Variants in TUBB4B observed in about 807,000 individuals in gnomAD.
TUBB4B encodes tubulin beta 4B class IVb, also known as tubulin beta-4B chain.
A neutral mutation model predicts 34.3 loss-of-function variants in TUBB4B; 7 were observed. The observed-to-expected ratio is 0.20, with a 90% CI of 0.12 to 0.38. The LOEUF (loss-of-function observed/expected upper bound fraction) is 0.38, where lower values mean the gene tolerates loss of function less well. TUBB4B is among the 10% of genes least tolerant of loss of function. The pLI is 1.00. For missense variants in TUBB4B, 178 were observed against 610.9 expected (o/e 0.29, Z 7.47); for synonymous variants, 390 against 250.2 (o/e 1.56, Z -5.27).
At position 137,242,419 on chromosome 9, in the gene TUBB4B, C is replaced by G. The variant is rs1186207937; in HGVS notation, c.278-77C>G. On this transcript the variant is annotated intron_variant, in intron 3 of 3. Coordinates refer to ENST00000340384, the MANE Select transcript of TUBB4B (RefSeq NM_006088.6). ...TCTGTGGTCAGCTCACACCATGTCA[C>G]TCGGCTTTTTTCGCATGGCGGTGAC... is the stretch of plus-strand genomic sequence containing the variant. 4.6e-6 allele frequency: 7 copies of G among 1,534,480 alleles called. No individual in the cohort carries two copies. The Admixed American group carries it at 1.3e-4, about 28-fold the overall frequency.
Position 137,243,163 on chromosome 9 carries a change from C to G in TUBB4B, c.945C>G (p.Ala315=), listed in dbSNP as rs781115984. 1 of 1,613,074 alleles carries G rather than the reference C, an allele frequency of 6.2e-7. No homozygotes were observed. Among genetic ancestry groups the G allele is most frequent in the Non-Finnish European group, 8.5e-7 (1 of 1,179,978 alleles). Residue 315 remains alanine, a synonymous_variant, in exon 4 of 4, where the codon GCC becomes GCG. Transcript: ENST00000340384. ...PRHGRYLTVA[A]VFRGRMSMKE... is the part of the protein sequence containing the mutation. ...ATGGCCGCTACCTGACGGTTGCCGC[C>G]GTGTTCAGGGGCCGCATGTCCATGA...
rs150542130 is a variant in TUBB4B, at chr9:137,242,562, C to T, written c.344C>T (p.Ser115Leu). 5.0e-6 allele frequency: 8 copies of T among 1,613,916 alleles called. No individual in the cohort carries two copies. Among genetic ancestry groups the T allele is most frequent in the East Asian group, 2.2e-5 (1 of 44,882 alleles). ...HYTEGAELVDSVLDVVRKEAE... is the reference protein window; with the variant it reads ...HYTEGAELVDLVLDVVRKEAE... ...ACAGAAGGCGCGGAGCTGGTGGACT[C>T]GGTGCTGGATGTTGTGAGAAAGGAG... The change falls in exon 4 of 4, where the codon TCG becomes TTG. Residue 115 changes from serine (S) to leucine (L), a missense_variant. By Grantham distance (145) the Ser-to-Leu change is moderately radical. Transcript: ENST00000340384.
chr9:137,242,350 C>CT, intron 3 of TUBB4B, 146 bp from the exon 4 acceptor site: 1 of 998,482 alleles, frequency 1.0e-6, no homozygotes, highest in Non-Finnish European at 1.5e-6. Context: ...AGGCTGCCGT[C>CT]TTTTGGCTTT....
rs762084938 is a variant in TUBB4B at position 137,241,837 on chromosome 9, C to T, written c.166+8C>T. 26 of 1,612,190 alleles carry T rather than the reference C, an allele frequency of 1.6e-5. No homozygotes were observed. The Admixed American group carries it at 3.2e-4, about 20-fold the overall frequency. On this transcript the variant is annotated splice_region_variant and intron_variant, in intron 2 of 3. Transcript: ENST00000340384. ...ACTACAATGAGGCCACCGGTGAGGC[C>T]CCGGCCCCTTCCCCGACCGCCCTCC...
intron 2 of TUBB4B, 22 bp downstream of exon 2, chr9:137,241,851 C>G (rs1199561081): frequency 6.2e-7 from 1 of 1,612,062 alleles, no homozygotes; most frequent in Non-Finnish European, 8.5e-7. Context: ...GCCCCTTCCC[C>G]GACCGCCCTC....
At chr9:137,242,426 T>C in intron 3 of TUBB4B, 70 bp from the exon 4 acceptor site, 3 of 1,556,242 alleles carry the variant, frequency 1.9e-6, no homozygotes, top group Non-Finnish European at 2.6e-6. Flanking sequence ...TCACTCGGCT[T>C]TTTTCGCATG....
rs147118736 is a variant in TUBB4B, at chr9:137,243,262, T to C, written c.1044T>C (p.Asn348=). Residue 348 remains asparagine (N), a synonymous_variant, in exon 4 of 4, where the codon AAT becomes AAC. Coordinates refer to ENST00000340384, the MANE Select transcript of TUBB4B (RefSeq NM_006088.6). ...ATTTTGTTGAGTGGATCCCCAACAA[T>C]GTGAAAACGGCTGTCTGTGACATCC... is the stretch of plus-strand genomic sequence containing the variant. The part of the protein sequence containing the change: ...SSYFVEWIPN[N]VKTAVCDIPP... 1.5e-4 allele frequency: 241 copies of C among 1,613,482 alleles called. No homozygotes were observed. The African/African-American group carries it at 2.0e-3, about 13-fold the overall frequency.
intron 1 of TUBB4B, 54 bp from the exon 2 acceptor site, chr9:137,241,667 C>T (rs1325901231): frequency 1.4e-6 from 2 of 1,461,112 alleles, no homozygotes; most frequent in African/African-American, 1.5e-5. Context: ...TCCCTGCGCA[C>T]CGGCCGCGGT....
chr9:137,242,929 C>T lies in TUBB4B; in HGVS notation c.711C>T (p.Thr237=), dbSNP rs747615413. 7 of 1,613,206 alleles carry T rather than the reference C, an allele frequency of 4.3e-6. No individual in the cohort carries two copies. Among genetic ancestry groups the T allele is most frequent in the South Asian group, 3.3e-5 (3 of 91,090 alleles). ...HLVSATMSGV[T]TCLRFPGQLN... ...TGTCTGCTACCATGAGTGGGGTCAC[C>T]ACCTGCCTGCGCTTCCCAGGCCAGC... Residue 237 remains threonine, a synonymous_variant, in exon 4 of 4, where the codon ACC becomes ACT. Transcript: ENST00000340384.
rs774463040 is a variant in TUBB4B at position 137,243,673 on chromosome 9, T to C, written c.*117T>C. The stretch of plus-strand genomic sequence containing the variant: ...CTGTTTTCCCTGTCCACATCCATGC[T>C]GTACAGACACCACCATTAAAGCATT... On this transcript the variant is annotated 3_prime_UTR_variant, in exon 4 of 4. Coordinates refer to ENST00000340384, the MANE Select transcript of TUBB4B (RefSeq NM_006088.6). The C allele has an allele frequency of 4.5e-5, 73 of 1,614,052 alleles. No individual in the cohort carries two copies. Among genetic ancestry groups the C allele is most frequent in the Admixed American group, 6.7e-5 (4 of 60,014 alleles).
At chr9:137,242,462 T>C (rs772864118) in intron 3 of TUBB4B, 34 bp from the exon 4 acceptor site, 3 of 1,599,048 alleles carry the variant, frequency 1.9e-6, no homozygotes, top group Admixed American at 3.4e-5. Flanking sequence ...GCTGTCTACC[T>C]GGCTGACAAA....
At chr9:137,242,424 C>G in intron 3 of TUBB4B, 72 bp from the exon 4 acceptor site, 2 of 1,550,220 alleles carry the variant, frequency 1.3e-6, no homozygotes, top group Non-Finnish European at 1.8e-6. Context: ...TGTCACTCGG[C>G]TTTTTTCGCA....
rs775782799 is a variant in TUBB4B, at chr9:137,242,815, C to A, written c.597C>A (p.Thr199=). Residue 199 remains threonine (T), a synonymous_variant, in exon 4 of 4, where the codon ACC becomes ACA. Coordinates refer to ENST00000340384, the MANE Select transcript of TUBB4B (RefSeq NM_006088.6). ...AGCTCGTAGAAAACACAGACGAGAC[C>A]TACTGCATTGATAACGAAGCTCTCT... ...VHQLVENTDE[T]YCIDNEALYD... 6.2e-7 allele frequency: 1 copy of A among 1,613,868 alleles called. No individual in the cohort carries two copies. Among genetic ancestry groups the A allele is most frequent in the Non-Finnish European group, 8.5e-7 (1 of 1,180,032 alleles).
rs1018223445 is a variant in TUBB4B, at chr9:137,242,187, C to G, written c.277+166C>G. ...TTGGGAGCAAGGTCCAGCTGTCTGC[C>G]GAGGCGAGGAGCCGCCACACACGTA... On this transcript the variant is annotated intron_variant, in intron 3 of 3. Transcript: ENST00000340384. 8.2e-6 allele frequency: 6 copies of G among 735,914 alleles called. No homozygotes were observed. The East Asian group carries it at 1.1e-4, about 13-fold the overall frequency. 45.6% of individuals were successfully genotyped at this position (735,914 alleles called of 1,614,324 possible). A position where few individuals can be genotyped will look rare whatever the true frequency, so the allele number is the denominator to read the frequency against.
intron 3 of TUBB4B, 22 bp from the exon 4 acceptor site, chr9:137,242,471 AATG>A (rs1441855685): frequency 6.2e-7 from 1 of 1,602,738 alleles, no homozygotes; most frequent in South Asian, 1.1e-5. Context: ...CTGGCTGACA[AATG>A]ATTAGCTGTG....
At position 137,241,354 on chromosome 9, in the gene TUBB4B, C is replaced by A. The variant is rs780286438; in HGVS notation, c.-7C>A. ...CCTCCTGCTTCCCCGCCGCCGCCGCCGCCATCATGAGGGAAATCGTGCACT... is the reference window on the plus strand; with the variant it reads ...CCTCCTGCTTCCCCGCCGCCGCCGCAGCCATCATGAGGGAAATCGTGCACT... On this transcript the variant is annotated 5_prime_UTR_variant, in exon 1 of 4. Transcript: ENST00000340384. 7 of 1,600,968 alleles carry A rather than the reference C, an allele frequency of 4.4e-6. No homozygotes were observed. The highest frequency in any genetic ancestry group is 1.7e-4 in the Middle Eastern group (1 of 6,052).
chr9:137,242,785 C>T lies in TUBB4B; in HGVS notation c.567C>T (p.Val189=), dbSNP rs61729109. The T allele has an allele frequency of 2.4e-3, 3,888 of 1,613,882 alleles. 62 individuals carry two copies. The African/African-American group carries it at 0.041, about 17-fold the overall frequency. Residue 189 remains valine, a synonymous_variant, in exon 4 of 4, where the codon GTC becomes GTT. Transcript: ENST00000340384. ...AGCCCTACAACGCCACCCTCTCAGT[C>T]CACCAGCTCGTAGAAAACACAGACG... ...VVEPYNATLS[V]HQLVENTDET...
Position 137,243,004 on chromosome 9 carries a change from G to C in TUBB4B, c.786G>C (p.Arg262=). ...KLAVNMVPFP[R]LHFFMPGFAP... is the part of the protein sequence containing the mutation. ...CTGTGAACATGGTCCCGTTTCCCCG[G>C]CTGCACTTCTTCATGCCCGGCTTTG... The change falls in exon 4 of 4, where the codon CGG becomes CGC. Residue 262 remains arginine, a synonymous_variant. Transcript: ENST00000340384. 6.2e-7 allele frequency: 1 copy of C among 1,612,904 alleles called. No individual in the cohort carries two copies. The highest frequency in any genetic ancestry group is 8.5e-7 in the Non-Finnish European group (1 of 1,180,020).
rs141571348 is a variant in TUBB4B at position 137,242,779 on chromosome 9, C to T, written c.561C>T (p.Leu187=). 283 of 1,613,924 alleles carry T rather than the reference C, an allele frequency of 1.8e-4. No homozygotes were observed. In the East Asian group the frequency reaches 2.0e-3, roughly 12 times the overall value. Residue 187 remains leucine, a synonymous_variant, in exon 4 of 4, where the codon CTC becomes CTT. Transcript: ENST00000340384. ...TGGTGGAGCCCTACAACGCCACCCTCTCAGTCCACCAGCTCGTAGAAAACA... is the reference window on the plus strand; with the variant it reads ...TGGTGGAGCCCTACAACGCCACCCTTTCAGTCCACCAGCTCGTAGAAAACA... ...DTVVEPYNAT[L]SVHQLVENTD...
Sources: gnomAD v4.1 joint callset for allele counts on GRCh38, gnomAD v4.1.1 for gene constraint, MANE v1.5 for transcripts, NCBI Gene and HGNC (gene_info 2026-07-23, HGNC 2026-07-21) for gene names.